The following RBFOX1 variants were observed in gnomAD, a reference collection of about 807,000 sequenced individuals.
RBFOX1 encodes RNA binding protein fox-1 homolog 1.
In RBFOX1, 8 loss-of-function variants were observed where a neutral mutation model predicts 57.7. That is an observed-to-expected ratio of 0.14 (90% confidence interval 0.08 to 0.25). The LOEUF (loss-of-function observed/expected upper bound fraction) is 0.25. Among genes scored for constraint, RBFOX1 ranks in the 10% least tolerant of loss-of-function variants. The pLI is 1.00. For synonymous variants in RBFOX1, 326 were observed against 222.4 expected (o/e 1.47, Z -4.15); for missense variants, 611 against 548.5 (o/e 1.11, Z -1.14).
At chr16:5,636,024 C>T (rs1399993644) in intron 3 of RBFOX1, among the ~76,000 whole-genome samples, 1 of 151,614 alleles carries the variant, frequency 6.6e-6, no homozygotes, top group Admixed American at 6.6e-5. Flanking sequence ...GTCTGGGCAA[C>T]ATAGTGGGAC....
chr16:5,934,397 G>T (rs990315188), intron 4 of RBFOX1, among the ~76,000 whole-genome samples: 1 of 152,150 alleles, frequency 6.6e-6, no homozygotes, highest in African/African-American at 2.4e-5. Context: ...TTGCATTTAT[G>T]TAAAGCTTCC....
At chr16:7,270,195 G>A (rs374500581) in intron 4 of RBFOX1, among the ~76,000 whole-genome samples, 1 of 152,168 alleles carries the variant, frequency 6.6e-6, no homozygotes, top group East Asian at 1.9e-4. Flanking sequence ...GCTCTGTTCC[G>A]CCCCCAGGCA....
At chr16:5,980,857 G>T (rs935047767) in intron 4 of RBFOX1, among the ~76,000 whole-genome samples, 6 of 146,092 alleles carry the variant, frequency 4.1e-5, no homozygotes, top group Admixed American at 4.1e-4. Flanking sequence ...GGGCAACGCT[G>T]TCGTCCTGCC....
chr16:6,564,819 C>A (rs2097235985), intron 2 of RBFOX1, among the ~76,000 whole-genome samples: 1 of 152,082 alleles, frequency 6.6e-6, no homozygotes, highest in South Asian at 2.1e-4. Context: ...TGAATCTGTT[C>A]AGTCCTTATT....
chr16:6,019,246 C>G lies in RBFOX1; in HGVS notation c.-873C>G, dbSNP rs1286832152. On this transcript the variant is annotated 5_prime_UTR_variant, in exon 1 of 16. Transcript: ENST00000550418. This position sits in a 1 kb window ranked among gnomAD's most constrained non-coding sequence, Gnocchi z 4.2. ...GGCCGTCTGGGTGCACACACCGCTC[C>G]CTCGATCACCCCAGCCCCCTTCCTG... 1 of 985,264 alleles carries G rather than the reference C, an allele frequency of 1.0e-6. No homozygotes were observed. Among genetic ancestry groups the G allele is most frequent in the South Asian group, 4.7e-5 (1 of 21,264 alleles). 61.0% of individuals were successfully genotyped at this position (985,264 alleles called of 1,614,324 possible). A position where few individuals can be genotyped will look rare whatever the true frequency, so the allele number is the denominator to read the frequency against.
intron 3 of RBFOX1, among the ~76,000 whole-genome samples, chr16:6,892,149 G>A (rs1017738295): frequency 6.6e-6 from 1 of 152,096 alleles, no homozygotes; most frequent in Non-Finnish European, 1.5e-5. Flanking sequence ...GGTGATTGCA[G>A]ACCCTCTTTG....
At chr16:5,753,181 C>T (rs1013274510) in intron 3 of RBFOX1, among the ~76,000 whole-genome samples, 3 of 151,784 alleles carry the variant, frequency 2.0e-5, no homozygotes, top group Admixed American at 2.0e-4. Context: ...AGTGAAAATG[C>T]TTGTGTGTGT....
chr16:5,604,078 C>G (rs1023149024), downstream of RBFOX1, among the ~76,000 whole-genome samples: 1 of 152,326 alleles, frequency 6.6e-6, no homozygotes, highest in African/African-American at 2.4e-5. Flanking sequence ...CTCTCCCCTT[C>G]TATAGCCAAG....
intron 4 of RBFOX1, among the ~76,000 whole-genome samples, chr16:7,402,749 G>T (rs1372448904): frequency 6.6e-6 from 1 of 152,108 alleles, no homozygotes; most frequent in Non-Finnish European, 1.5e-5. Context: ...GAAGAAGGGT[G>T]CCCCCCTCCT....
At chr16:6,947,206 A>G (rs560606782) in intron 3 of RBFOX1, among the ~76,000 whole-genome samples, 1 of 152,322 alleles carries the variant, frequency 6.6e-6, no homozygotes, top group South Asian at 2.1e-4. Context: ...GATGCAGTTT[A>G]TGGCTGTCTT....
At chr16:6,433,960 G>A (rs1046304983) in intron 2 of RBFOX1, among the ~76,000 whole-genome samples, 3 of 148,850 alleles carry the variant, frequency 2.0e-5, no homozygotes, top group African/African-American at 7.5e-5. Flanking sequence ...CAATTTCCAT[G>A]CCTCATCCTC....
intron 2 of RBFOX1, among the ~76,000 whole-genome samples, chr16:6,366,225 A>G (rs2089587490): frequency 1.3e-5 from 2 of 151,994 alleles, no homozygotes; most frequent in African/African-American, 2.4e-5. Context: ...TTGCTGGAAG[A>G]TATATGTCTT....
intron 4 of RBFOX1, among the ~76,000 whole-genome samples, chr16:7,107,277 C>T (rs2063785104): frequency 6.6e-6 from 1 of 151,954 alleles, no homozygotes; most frequent in African/African-American, 2.4e-5. Flanking sequence ...AATGTGGAAA[C>T]CTTTATTCAG....
chr16:6,895,448 GTATA>G (rs71147622), intron 3 of RBFOX1, among the ~76,000 whole-genome samples: 626 of 54,444 alleles, frequency 0.011, 11 homozygotes, highest in Middle Eastern at 0.027. Context: ...GTGTGTGTGT[GTATA>G]TATATATATA....
At chr16:5,659,785 A>G (rs2049586223) in intron 3 of RBFOX1, among the ~76,000 whole-genome samples, 1 of 152,220 alleles carries the variant, frequency 6.6e-6, no homozygotes, top group Non-Finnish European at 1.5e-5. Context: ...GGTGGTTTTT[A>G]GCAGAATCTG....
At chr16:6,474,918 T>C (rs533450025) in intron 2 of RBFOX1, among the ~76,000 whole-genome samples, 2 of 152,304 alleles carry the variant, frequency 1.3e-5, no homozygotes, top group Admixed American at 6.5e-5. Flanking sequence ...TTATTTAACA[T>C]AAAGAGAAAG....
At chr16:7,122,185 T>G (rs1162904637) in intron 4 of RBFOX1, among the ~76,000 whole-genome samples, 1 of 152,172 alleles carries the variant, frequency 6.6e-6, no homozygotes, top group Admixed American at 6.5e-5. Flanking sequence ...ATAAATTATA[T>G]GTGAAGGTCT....
intron 2 of RBFOX1, among the ~76,000 whole-genome samples, chr16:6,518,499 G>A (rs1462496564): frequency 6.6e-6 from 1 of 152,080 alleles, no homozygotes; most frequent in Admixed American, 6.5e-5. Flanking sequence ...CAGTTATTTT[G>A]TGTAGTTTTC....
intron 4 of RBFOX1, among the ~76,000 whole-genome samples, chr16:7,362,507 G>T (rs961376167): frequency 6.8e-6 from 1 of 147,892 alleles, no homozygotes; most frequent in African/African-American, 2.6e-5. Context: ...GTATGTGCAT[G>T]TTTTTTGTGT....
Sources: allele counts gnomAD v4.1 joint callset (sites outside exome capture counted in the v4.1 genomes callset), GRCh38; gene constraint gnomAD v4.1.1; non-coding constraint Gnocchi (gnomAD v3.1); transcripts MANE v1.5; gene names NCBI Gene and HGNC (gene_info 2026-07-23, HGNC 2026-07-21).